Variants in BCO1 observed in about 807,000 individuals in gnomAD.
BCO1 encodes beta-carotene oxygenase 1.
In BCO1, 54 loss-of-function variants were observed where a neutral mutation model predicts 56.3. The observed-to-expected ratio is 0.96, with a 90% CI of 0.77 to 1.20. The LOEUF is 1.20. Ranked by LOEUF, BCO1 falls within the 50% of genes most tolerant of loss-of-function variation. The probability of loss-of-function intolerance (pLI) is 0.00; values close to 1 mark genes in which losing one functional copy is unlikely to be tolerated. For synonymous variants in BCO1, 318 were observed against 266.1 expected (o/e 1.20, Z -1.90); for missense variants, 801 against 690.9 (o/e 1.16, Z -1.79).
At chr16:81,287,438 G>C in intron 10 of BCO1, 32 bp downstream of exon 10, 1 of 1,532,140 alleles carries the variant, frequency 6.5e-7, no homozygotes, top group Non-Finnish European at 9.0e-7. Context: ...CCTAGTTGCT[G>C]CACGTTACTG....
chr16:81,286,564 G>A (rs539398305), intron 9 of BCO1, among the ~76,000 whole-genome samples: 2 of 152,250 alleles, frequency 1.3e-5, no homozygotes, highest in South Asian at 4.1e-4. Flanking sequence ...AGATATGTTC[G>A]ATATTTTTAG....
At chr16:81,245,753 C>A (rs1905368456) in intron 2 of BCO1, 150 bp downstream of exon 2, 2 of 987,010 alleles carry the variant, frequency 2.0e-6, no homozygotes, top group Non-Finnish European at 3.0e-6. Context: ...TTCATAGGGC[C>A]ACATTCAGTT....
chr16:81,257,707 C>G (rs1024076982), intron 2 of BCO1, among the ~76,000 whole-genome samples: 1 of 151,632 alleles, frequency 6.6e-6, no homozygotes, highest in African/African-American at 2.4e-5. Flanking sequence ...AAAACCCTGT[C>G]TCTACTAAAA....
intron 5 of BCO1, among the ~76,000 whole-genome samples, chr16:81,267,347 T>A (rs1402346117): frequency 6.6e-6 from 1 of 152,162 alleles, no homozygotes; most frequent in Non-Finnish European, 1.5e-5. Flanking sequence ...GCGCAGTGGC[T>A]CACACCTGTA....
At chr16:81,289,739 T>C (rs1908360847) in intron 10 of BCO1, among the ~76,000 whole-genome samples, 2 of 152,194 alleles carry the variant, frequency 1.3e-5, no homozygotes, top group African/African-American at 4.8e-5. Flanking sequence ...GGAGATACTC[T>C]CGGCAACCCT....
At chr16:81,267,438 C>T (rs1048969435) in intron 5 of BCO1, among the ~76,000 whole-genome samples, 1 of 152,182 alleles carries the variant, frequency 6.6e-6, no homozygotes, top group African/African-American at 2.4e-5. Flanking sequence ...CATGGCAAAA[C>T]CCCATCTCTA....
intron 7 of BCO1, among the ~76,000 whole-genome samples, chr16:81,272,586 C>T (rs1262031294): frequency 2.0e-5 from 3 of 152,120 alleles, no homozygotes; most frequent in Non-Finnish European, 2.9e-5. Context: ...TAAGAATGAC[C>T]ACCAGGCCAG....
intron 2 of BCO1, among the ~76,000 whole-genome samples, chr16:81,250,185 G>A (rs532126733): frequency 6.6e-6 from 1 of 152,130 alleles, no homozygotes; most frequent in Non-Finnish European, 1.5e-5. Context: ...GAGAGGCCAA[G>A]TCACTTACCC....
intron 8 of BCO1, among the ~76,000 whole-genome samples, chr16:81,284,740 T>A (rs964890510): frequency 2.6e-5 from 4 of 152,024 alleles, no homozygotes; most frequent in Admixed American, 2.0e-4. Context: ...CCATCTCAGC[T>A]TCCCAAAGTG....
At chr16:81,275,838 C>T (rs1197312516) in intron 7 of BCO1, among the ~76,000 whole-genome samples, 4 of 152,166 alleles carry the variant, frequency 2.6e-5, no homozygotes, top group Non-Finnish European at 4.4e-5. Context: ...GAAGGCAGGG[C>T]TGGCAGGGCC....
chr16:81,277,922 A>C lies in BCO1; in HGVS notation c.1102-2935A>C, dbSNP rs770886559. Among the ~76,000 whole-genome samples the C allele has an allele frequency of 9.6e-4, 146 of 152,316 alleles. No homozygotes were observed. The Middle Eastern group carries it at 0.01, about 11-fold the overall frequency. ...TGTCTGTGCAGACCAACTCCCTAAG[A>C]ATCAAGGCTGGAATGTGCCCAGAGG... On this transcript the variant is annotated intron_variant, in intron 7 of 10. Coordinates refer to ENST00000258168, the MANE Select transcript of BCO1 (RefSeq NM_017429.3).
At chr16:81,255,150 C>G (rs1906052903) in intron 2 of BCO1, among the ~76,000 whole-genome samples, 2 of 152,326 alleles carry the variant, frequency 1.3e-5, no homozygotes, top group Middle Eastern at 3.4e-3. Context: ...CCTCAGCAGG[C>G]TGGATGTCAT....
rs746440796 is a variant in BCO1 at position 81,238,929 on chromosome 16, GA to G, written c.23del (p.Asn8IlefsTer9). 6.8e-6 allele frequency: 11 copies of G among 1,614,064 alleles called. No homozygotes were observed. In the South Asian group the frequency reaches 9.9e-5, roughly 15 times the overall value. On this transcript the variant is annotated frameshift_variant, in exon 1 of 11. Transcript: ENST00000258168. LOFTEE classifies it high-confidence loss of function. ...GAGCAATGGATATAATATTTGGCAG[GA>G]ATAGGAAAGAACAGCTGGAGCCTGT... MDIIFGR[N>X]RKEQLEPVRA... is the part of the protein sequence containing the mutation.
chr16:81,256,116 GA>G (rs1378220128), intron 2 of BCO1, among the ~76,000 whole-genome samples: 1 of 147,428 alleles, frequency 6.8e-6, no homozygotes, highest in Admixed American at 6.9e-5. Flanking sequence ...GCGCATGGCC[GA>G]TTTTTTTTTT....
chr16:81,245,661 C>T, intron 2 of BCO1, 58 bp downstream of exon 2: 1 of 1,605,838 alleles, frequency 6.2e-7, no homozygotes. Context: ...AAATGCAGTG[C>T]CTTAAAACAG....
rs750474504 is a variant in BCO1 at position 81,290,491 on chromosome 16, G to C, written c.1558G>C (p.Asp520His). 1.9e-6 allele frequency: 3 copies of C among 1,614,184 alleles called. No individual in the cohort carries two copies. Among genetic ancestry groups the C allele is most frequent in the East Asian group, 2.2e-5 (1 of 44,874 alleles). ...HMDLHGLFITDMDWDTKKQAA... is the reference protein window; with the variant it reads ...HMDLHGLFITHMDWDTKKQAA... Reference sequence around the variant, plus strand: ...GGATCTCCATGGATTATTCATTACAGACATGGACTGGGACACAAAAAAGCA... The same window carrying C: ...GGATCTCCATGGATTATTCATTACACACATGGACTGGGACACAAAAAAGCA... The change falls in exon 11 of 11, where the codon GAC becomes CAC. Residue 520 changes from aspartate to histidine, a missense_variant. Asp to His is a moderately conservative substitution (Grantham distance 81). Coordinates refer to ENST00000258168, the MANE Select transcript of BCO1 (RefSeq NM_017429.3).
chr16:81,254,743 G>A (rs1023173520), intron 2 of BCO1, among the ~76,000 whole-genome samples: 5 of 152,146 alleles, frequency 3.3e-5, no homozygotes, highest in African/African-American at 9.7e-5. Context: ...CCTGGAGGGG[G>A]AAGAGGTTAG....
chr16:81,254,149 G>C (rs1905979489), intron 2 of BCO1, among the ~76,000 whole-genome samples: 1 of 151,948 alleles, frequency 6.6e-6, no homozygotes. Flanking sequence ...TTTTCTTTGA[G>C]ATAGAGTCTC....
intron 7 of BCO1, 47 bp downstream of exon 7, chr16:81,270,463 C>T (rs1411746063): frequency 6.2e-7 from 1 of 1,610,966 alleles, no homozygotes; most frequent in Non-Finnish European, 8.5e-7. Flanking sequence ...GAGATATCGG[C>T]CCAGGTGGGA....
Sources: allele counts gnomAD v4.1 joint callset (sites outside exome capture counted in the v4.1 genomes callset), GRCh38; gene constraint gnomAD v4.1.1; transcripts MANE v1.5; gene names NCBI Gene and HGNC (gene_info 2026-07-23, HGNC 2026-07-21).